The following ACAA2 variants were observed in gnomAD, a reference collection of about 807,000 sequenced individuals.
The protein encoded by ACAA2 is 3-ketoacyl-CoA thiolase, mitochondrial.
ACAA2 carries 35 observed loss-of-function variants against 44.8 expected under a neutral mutation model. That is an observed-to-expected ratio of 0.78 (90% CI 0.60 to 1.04). The LOEUF is 1.04. Among genes scored for constraint, ACAA2 ranks in the 50% least tolerant of loss-of-function variants. The pLI is 0.00. For synonymous variants in ACAA2, 142 were observed against 166.5 expected (o/e 0.85, Z 1.13); for missense variants, 468 against 482.6 (o/e 0.97, Z 0.28).
At position 49,809,574 on chromosome 18, in the gene ACAA2, A is replaced by G. The variant is rs527437046; in HGVS notation, c.16+3895T>C. 2.0e-5 allele frequency among the ~76,000 whole-genome samples: 3 copies of G among 152,358 alleles called. No individual in the cohort carries two copies. The South Asian group carries it at 6.2e-4, about 32-fold the overall frequency. On this transcript the variant is annotated intron_variant, in intron 1 of 9. Transcript: ENST00000285093. ...AAAAAGAAGTGAGCTATCAAGCCAT[A>G]AAAGGAAGGAATCTTAAATGCATGT...
intron 1 of ACAA2, among the ~76,000 whole-genome samples, chr18:49,803,444 G>C (rs1285693968): frequency 6.6e-6 from 1 of 152,092 alleles, no homozygotes; most frequent in Non-Finnish European, 1.5e-5. Flanking sequence ...ACCCCTTAGA[G>C]TTGTAAGCCC....
intron 2 of ACAA2, among the ~76,000 whole-genome samples, chr18:49,798,305 G>A (rs760314769): frequency 6.6e-6 from 1 of 152,140 alleles, no homozygotes; most frequent in Admixed American, 6.5e-5. Flanking sequence ...GGTAGGAGTA[G>A]ACCACCACTC....
In ACAA2 at chr18:49,785,281, T is replaced by A. The variant is rs1355173936; in HGVS notation, c.1025A>T (p.Asn342Ile). ...CAAAGCAATGGCTCCTCCATTCACATTGGTTTTACTTATGTCAAGATCCAA... is the reference window on the plus strand; with the variant it reads ...CAAAGCAATGGCTCCTCCATTCACAATGGTTTTACTTATGTCAAGATCCAA... ...RSLDLDISKT[N>I]VNGGAIALGH... The change falls in exon 9 of 10, where the codon AAT (asparagine) becomes ATT (isoleucine). Residue 342 changes from asparagine to isoleucine, a missense_variant. Asn to Ile is a moderately radical substitution (Grantham distance 149). Transcript: ENST00000285093. The A allele has an allele frequency of 6.2e-7, 1 of 1,614,118 alleles. No homozygotes were observed. Among genetic ancestry groups the A allele is most frequent in the Non-Finnish European group, 8.5e-7 (1 of 1,179,968 alleles).
chr18:49,812,961 A>T (rs2023687667), intron 1 of ACAA2: 1 of 153,948 alleles, frequency 6.5e-6, no homozygotes, highest in Non-Finnish European at 1.4e-5. Flanking sequence ...GACCGCTCTA[A>T]TCTAAAGCAA....
chr18:49,793,007 CTG>C (rs1450343702), intron 5 of ACAA2, among the ~76,000 whole-genome samples: 12 of 152,036 alleles, frequency 7.9e-5, no homozygotes, highest in African/African-American at 2.9e-4. Context: ...ACTGCTAAGA[CTG>C]TTAGCAGCAT....
chr18:49,811,970 G>T (rs1446651882), intron 1 of ACAA2, among the ~76,000 whole-genome samples: 1 of 151,940 alleles, frequency 6.6e-6, no homozygotes, highest in African/African-American at 2.4e-5. Context: ...TATAAGAAAG[G>T]GTAAGAACCA....
chr18:49,794,758 A>C (rs546576954), intron 4 of ACAA2, among the ~76,000 whole-genome samples: 120 of 152,318 alleles, frequency 7.9e-4, no homozygotes, highest in South Asian at 2.7e-3. Context: ...ATTTTGTAGA[A>C]AACCTGACAA....
chr18:49,811,970 G>A (rs1446651882), intron 1 of ACAA2, among the ~76,000 whole-genome samples: 1 of 151,940 alleles, frequency 6.6e-6, no homozygotes, highest in African/African-American at 2.4e-5. Context: ...TATAAGAAAG[G>A]GTAAGAACCA....
intron 2 of ACAA2, among the ~76,000 whole-genome samples, chr18:49,801,722 T>C (rs940647059): frequency 2.7e-5 from 4 of 148,828 alleles, no homozygotes; most frequent in Non-Finnish European, 5.9e-5. Flanking sequence ...TCTTTAAATA[T>C]ATGTATCATA....
chr18:49,805,202 T>G (rs899728037), intron 1 of ACAA2, among the ~76,000 whole-genome samples: 1 of 152,234 alleles, frequency 6.6e-6, no homozygotes, highest in African/African-American at 2.4e-5. Context: ...ATGAGACTAT[T>G]CAAGCATTAT....
chr18:49,801,817 T>TATC (rs1355529754), intron 2 of ACAA2, among the ~76,000 whole-genome samples: 1 of 139,656 alleles, frequency 7.2e-6, no homozygotes, highest in Non-Finnish European at 1.6e-5. Context: ...TATATATATC[T>TATC]TATCTTTTTC....
intron 1 of ACAA2, among the ~76,000 whole-genome samples, chr18:49,805,241 C>T (rs555721917): frequency 5.1e-4 from 78 of 152,184 alleles, no homozygotes; most frequent in Non-Finnish European, 1.1e-3. Context: ...GTATAATCTT[C>T]CAGTTTATGA....
Position 49,783,851 on chromosome 18 carries a change from G to A in ACAA2, c.1190C>T (p.Ala397Val). The A allele has an allele frequency of 1.2e-6, 2 of 1,611,778 alleles. No homozygotes were observed. The highest frequency in any genetic ancestry group is 1.7e-6 in the Non-Finnish European group (2 of 1,178,512). ...QGIAVIIQSTA is the reference protein window; with the variant it reads ...QGIAVIIQSTV ...ACAGTGAGCTCACTGGTCTCTTCAGGCTGTGCTCTGAATGATGACAGCAAT... is the reference window on the plus strand; with the variant it reads ...ACAGTGAGCTCACTGGTCTCTTCAGACTGTGCTCTGAATGATGACAGCAAT... Residue 397 changes from alanine to valine, a missense_variant, in exon 10 of 10, where the codon GCC (alanine) becomes GTC (valine). Physicochemically the swap from Ala to Val is moderately conservative, Grantham distance 64. Transcript: ENST00000285093.
intron 6 of ACAA2, 89 bp downstream of exon 6, chr18:49,792,063 G>A: frequency 9.6e-7 from 1 of 1,045,900 alleles, no homozygotes; most frequent in East Asian, 2.4e-5. Flanking sequence ...ACTAAAGACT[G>A]GCATAAAAAG....
intron 3 of ACAA2, 107 bp from the exon 4 acceptor site, chr18:49,795,988 C>T (rs1345451813): frequency 4.3e-6 from 3 of 700,974 alleles, no homozygotes; most frequent in Admixed American, 2.6e-5. Context: ...AAATATTGTA[C>T]TGTAGCTTAC....
chr18:49,782,492 G>A lies in ACAA2; in HGVS notation c.*1355C>T, dbSNP rs1365866716. ...TATTATTTAACATCTATTATTCAGTGAGCCATGACTGTGCCACTGCAATTC... is the reference window on the plus strand; with the variant it reads ...TATTATTTAACATCTATTATTCAGTAAGCCATGACTGTGCCACTGCAATTC... On this transcript the variant is annotated 3_prime_UTR_variant, in exon 10 of 10. Transcript: ENST00000285093. The A allele has an allele frequency of 1.3e-5, 2 of 149,514 alleles. No individual in the cohort carries two copies. The highest frequency in any genetic ancestry group is 3.0e-5 in the Non-Finnish European group (2 of 67,674). 9.3% of individuals were successfully genotyped at this position (149,514 alleles called of 1,614,324 possible).
At position 49,785,247 on chromosome 18, in the gene ACAA2, T is replaced by G. The variant is rs1007060333; in HGVS notation, c.1059A>C (p.Pro353=). ...VNGGAIALGH[P]LGGSGSRITA... ...TAATTCTTGATCCAGATCCTCCCAGTGGGTGACCCAAAGCAATGGCTCCTC... is the reference window on the plus strand; with the variant it reads ...TAATTCTTGATCCAGATCCTCCCAGGGGGTGACCCAAAGCAATGGCTCCTC... Residue 353 remains proline, a synonymous_variant, in exon 9 of 10, where the codon CCA becomes CCC. Coordinates refer to ENST00000285093, the MANE Select transcript of ACAA2 (RefSeq NM_006111.3). The G allele has an allele frequency of 8.7e-6, 14 of 1,614,038 alleles. No individual in the cohort carries two copies. Among genetic ancestry groups the G allele is most frequent in the Non-Finnish European group, 1.2e-5 (14 of 1,180,014 alleles).
intron 5 of ACAA2, among the ~76,000 whole-genome samples, chr18:49,793,207 A>C (rs2143956958): frequency 6.6e-6 from 1 of 152,352 alleles, no homozygotes; most frequent in African/African-American, 2.4e-5. Context: ...TATAAGTAAA[A>C]CATCTTACCT....
intron 7 of ACAA2, among the ~76,000 whole-genome samples, chr18:49,788,375 G>A (rs2023358318): frequency 6.6e-6 from 1 of 152,162 alleles, no homozygotes; most frequent in African/African-American, 2.4e-5. Flanking sequence ...TTACAAGAAA[G>A]GCATAATGAA....
Sources: allele counts gnomAD v4.1 joint callset (sites outside exome capture counted in the v4.1 genomes callset), GRCh38; gene constraint gnomAD v4.1.1; transcripts MANE v1.5; gene names NCBI Gene and HGNC (gene_info 2026-07-23, HGNC 2026-07-21).